Variants in KMT2C observed in about 807,000 individuals in gnomAD.
The protein encoded by KMT2C is lysine methyltransferase 2C.
Under a neutral mutation model 507.9 loss-of-function variants are expected in KMT2C, and 88 were observed. The ratio of observed to expected loss-of-function variants is 0.17; its 90% CI spans 0.15 to 0.21. The LOEUF is 0.21. KMT2C is among the 10% of genes least tolerant of loss of function. KMT2C has a pLI of 1.00. For synonymous variants in KMT2C, 2,049 were observed against 2,080.8 expected (o/e 0.98, Z 0.42); for missense variants, 4,954 against 5,957.8 (o/e 0.83, Z 5.55).
intron 7 of KMT2C, among the ~76,000 whole-genome samples, chr7:152,267,769 A>G (rs1345828510): frequency 6.6e-6 from 1 of 152,134 alleles, no homozygotes; most frequent in African/African-American, 2.4e-5. Context: ...CCAATACCTC[A>G]TTTTTCACCT....
In KMT2C at chr7:152,330,673, G is replaced by A. The variant is rs1364563900; in HGVS notation, c.317C>T (p.Pro106Leu). Residue 106 changes from proline to leucine, a missense_variant, in exon 3 of 59, where the codon CCA (proline) becomes CTA (leucine). Transcript: ENST00000262189. Reference sequence around the variant, plus strand: ...CTCAGACACAGATCGCTGAAGAGTTGGAATTAGCTGTTTGCTGTTATCCAC... The same window carrying A: ...CTCAGACACAGATCGCTGAAGAGTTAGAATTAGCTGTTTGCTGTTATCCAC... Reference protein sequence around the residue: ...AEVDNSKQLIPTLQRSVSEES... With the variant: ...AEVDNSKQLILTLQRSVSEES... 3.7e-6 allele frequency: 6 copies of A among 1,613,986 alleles called. No individual in the cohort carries two copies. In the South Asian group the frequency reaches 4.4e-5, roughly 12 times the overall value.
At position 152,151,534 on chromosome 7, in the gene KMT2C, C is replaced by T. The variant is rs2129096697; in HGVS notation, c.12574G>A (p.Ala4192Thr). 6.2e-7 allele frequency: 1 copy of T among 1,614,066 alleles called. No individual in the cohort carries two copies. Among genetic ancestry groups the T allele is most frequent in the Non-Finnish European group, 8.5e-7 (1 of 1,179,898 alleles). ...DSSHGIAESA[A>T]LRPQWCCHCK... The stretch of plus-strand genomic sequence containing the variant: ...TGACAACACCACTGTGGTCTGAGTG[C>T]TGCGCTTTCTGCAATACCATGACTA... Residue 4192 changes from alanine to threonine, a missense_variant, in exon 50 of 59, where the codon GCA becomes ACA. Ala to Thr is a moderately conservative substitution (Grantham distance 58, BLOSUM62 0). Coordinates refer to ENST00000262189, the MANE Select transcript of KMT2C (RefSeq NM_170606.3).
chr7:152,416,396 T>A (rs71195645), intron 1 of KMT2C, among the ~76,000 whole-genome samples: 3,000 of 97,816 alleles, frequency 0.031, no homozygotes, highest in African/African-American at 0.09. Context: ...CTACAAAAAA[T>A]TAGCCGGGCA....
chr7:152,186,792 A>G (rs2129124087), intron 33 of KMT2C, among the ~76,000 whole-genome samples: 1 of 152,326 alleles, frequency 6.6e-6, no homozygotes, highest in Middle Eastern at 3.4e-3. Context: ...GAATTTTCAC[A>G]AACTGTACTA....
intron 1 of KMT2C, among the ~76,000 whole-genome samples, chr7:152,378,360 G>C (rs62495478): frequency 2.9e-4 from 43 of 149,026 alleles, no homozygotes; most frequent in Admixed American, 6.7e-4. Context: ...TCACTGCTGG[G>C]ATCAGTCAGC....
At position 152,144,369 on chromosome 7, in the gene KMT2C, T is replaced by C. The variant is rs1323286467; in HGVS notation, c.14343+344A>G. Among the ~76,000 whole-genome samples the C allele has an allele frequency of 6.6e-6, 1 of 152,182 alleles. No homozygotes were observed. The highest frequency in any genetic ancestry group is 1.9e-4 in the East Asian group (1 of 5,186). The stretch of plus-strand genomic sequence containing the variant: ...AAATTGGTGTACCTTTGGAAAATAT[T>C]TTCATTTGTATTTCTCTCAAGTGCT... On this transcript the variant is annotated intron_variant, in intron 55 of 58. Coordinates refer to ENST00000262189, the MANE Select transcript of KMT2C (RefSeq NM_170606.3). This position sits in a 1 kb window ranked among gnomAD's most constrained non-coding sequence, Gnocchi z 4.4.
At chr7:152,188,448 CAATT>C (rs1181999294) in intron 31 of KMT2C, among the ~76,000 whole-genome samples, 5 of 151,878 alleles carry the variant, frequency 3.3e-5, no homozygotes, top group East Asian at 1.9e-4. Context: ...CTATTCGACA[CAATT>C]AACTCCTAAA....
chr7:152,279,009 C>T (rs557100106), intron 6 of KMT2C, among the ~76,000 whole-genome samples: 80 of 152,280 alleles, frequency 5.3e-4, no homozygotes, highest in Non-Finnish European at 9.4e-4. Flanking sequence ...AGAAAACATT[C>T]TATTCAAATA....
rs539833381 is a variant in KMT2C, at chr7:152,350,206, C to T, written c.250+8381G>A. Among the ~76,000 whole-genome samples the T allele has an allele frequency of 3.3e-5, 5 of 152,224 alleles. No homozygotes were observed. The South Asian group carries it at 1.0e-3, about 32-fold the overall frequency. ...CAGAAGTTGCAGTGAGCCGAGATTG[C>T]ACCATTGCACTCCAGCTTGGGCAAG... On this transcript the variant is annotated intron_variant, in intron 2 of 58. Transcript: ENST00000262189.
chr7:152,317,752 C>T (rs892633466), intron 3 of KMT2C, among the ~76,000 whole-genome samples: 11 of 152,142 alleles, frequency 7.2e-5, no homozygotes, highest in African/African-American at 2.2e-4. Context: ...CACACTGCAA[C>T]CCCAGTGCTT....
At chr7:152,204,381 G>C (rs969486337) in intron 25 of KMT2C, among the ~76,000 whole-genome samples, 6 of 152,122 alleles carry the variant, frequency 3.9e-5, no homozygotes, top group African/African-American at 1.4e-4. Context: ...GATCGCTTGA[G>C]CACAGGAGTT....
intron 14 of KMT2C, among the ~76,000 whole-genome samples, chr7:152,241,255 G>T (rs1588507376): frequency 6.6e-6 from 1 of 152,022 alleles, no homozygotes; most frequent in Non-Finnish European, 1.5e-5. Flanking sequence ...GCTAGAGTGC[G>T]GTGGTGCGAT....
chr7:152,254,793 A>G (rs1294826099), intron 9 of KMT2C, among the ~76,000 whole-genome samples: 1 of 152,122 alleles, frequency 6.6e-6, no homozygotes, highest in Non-Finnish European at 1.5e-5. Flanking sequence ...TTAATTTGTA[A>G]ACAGAGTTGG....
At chr7:152,192,976 C>T (rs745549171) in intron 31 of KMT2C, among the ~76,000 whole-genome samples, 20 of 152,250 alleles carry the variant, frequency 1.3e-4, no homozygotes, top group Non-Finnish European at 2.2e-4. Flanking sequence ...GAGTTCTAGA[C>T]TGGCCTGGGC....
At chr7:152,157,876 G>T in intron 44 of KMT2C, 1 of 1,338,962 alleles carries the variant, frequency 7.5e-7, no homozygotes, top group Non-Finnish European at 9.9e-7. Context: ...AAGAAAGTGC[G>T]CAAAGTTCAC....
At chr7:152,182,733 T>G (rs1280010169) in intron 35 of KMT2C, 139 bp from the exon 36 acceptor site, 1 of 824,738 alleles carries the variant, frequency 1.2e-6, no homozygotes, top group African/African-American at 1.7e-5. Flanking sequence ...TATGAATTCC[T>G]GAAGAAGAGA....
intron 1 of KMT2C, among the ~76,000 whole-genome samples, chr7:152,379,406 T>C (rs7797518): frequency 0.12 from 18,261 of 150,750 alleles, 2,754 homozygotes; most frequent in African/African-American, 0.36. Flanking sequence ...GGCGTGGTGG[T>C]GGGCACCTGT....
At chr7:152,296,683 T>G (rs567753444) in intron 6 of KMT2C, among the ~76,000 whole-genome samples, 1 of 152,172 alleles carries the variant, frequency 6.6e-6, no homozygotes, top group South Asian at 2.1e-4. Context: ...CCCTGACAAC[T>G]TGTTATCATG....
intron 1 of KMT2C, among the ~76,000 whole-genome samples, chr7:152,372,275 C>T (rs1479128325): frequency 6.6e-6 from 1 of 152,126 alleles, no homozygotes; most frequent in African/African-American, 2.4e-5. Flanking sequence ...CCTGCCTCAG[C>T]CTCCTGAGTA....
Sources: gnomAD v4.1 joint callset for allele counts (sites outside exome capture counted in the v4.1 genomes callset) on GRCh38, gnomAD v4.1.1 for gene constraint, Gnocchi (gnomAD v3.1) non-coding constraint, MANE v1.5 for transcripts, NCBI Gene and HGNC (gene_info 2026-07-23, HGNC 2026-07-21) for gene names.